The following DDX19B variants were observed in gnomAD, a reference collection of about 807,000 sequenced individuals.
DDX19B encodes the protein DEAD-box helicase 19B, also known as ATP-dependent RNA helicase DDX19B.
In DDX19B, 27 loss-of-function variants were observed where a neutral mutation model predicts 58.1. The ratio of observed to expected loss-of-function variants is 0.46; its 90% CI spans 0.34 to 0.64. The LOEUF (loss-of-function observed/expected upper bound fraction) is 0.64, where lower values mean the gene tolerates loss of function less well. Ranked by LOEUF, DDX19B falls within the 30% of genes least tolerant of loss-of-function variation. The pLI is 0.01. For synonymous variants in DDX19B, 187 were observed against 214.4 expected (o/e 0.87, Z 1.12); for missense variants, 399 against 596.5 (o/e 0.67, Z 3.45).
intron 1 of DDX19B, among the ~76,000 whole-genome samples, chr16:70,299,844 C>T (rs1037993207): frequency 6.6e-6 from 1 of 152,070 alleles, no homozygotes; most frequent in Non-Finnish European, 1.5e-5. Flanking sequence ...GGGACCATGT[C>T]TTTGCTCATA....
Position 70,333,152 on chromosome 16 carries a change from G to A in DDX19B, c.1371G>A (p.Glu457=). ...HSMNILNRIQ[E]HFNKKIERLD... is the part of the protein sequence containing the mutation. ...TGAACATCCTGAACAGAATCCAGGA[G>A]CATTTTAGTGAGTCCCGGGGAGGGT... is the stretch of plus-strand genomic sequence containing the variant. Residue 457 remains glutamate, a synonymous_variant, in exon 11 of 12, where the codon GAG becomes GAA. Coordinates refer to ENST00000288071, the MANE Select transcript of DDX19B (RefSeq NM_007242.7). 1.4e-6 allele frequency: 2 copies of A among 1,456,590 alleles called. No individual in the cohort carries two copies. Among genetic ancestry groups the A allele is most frequent in the South Asian group, 1.3e-5 (1 of 74,480 alleles). 90.2% of individuals were successfully genotyped at this position (1,456,590 alleles called of 1,614,324 possible).
At chr16:70,311,903 G>A (rs764222529) in intron 1 of DDX19B, among the ~76,000 whole-genome samples, 4 of 151,564 alleles carry the variant, frequency 2.6e-5, no homozygotes, top group African/African-American at 9.7e-5. Context: ...GTGTAGTGGC[G>A]TGATCTTGGC....
intron 2 of DDX19B, among the ~76,000 whole-genome samples, chr16:70,313,071 T>C (rs573440110): frequency 9.9e-5 from 15 of 152,190 alleles, no homozygotes; most frequent in South Asian, 6.2e-4. Flanking sequence ...CAGGCTGGAG[T>C]GCAGTGGCTC....
chr16:70,332,301 G>A (rs1267567220), intron 10 of DDX19B, among the ~76,000 whole-genome samples: 1 of 152,054 alleles, frequency 6.6e-6, no homozygotes, highest in African/African-American at 2.4e-5. Context: ...TGTCCCAAAT[G>A]TATTTATTTA....
upstream of DDX19B, among the ~76,000 whole-genome samples, chr16:70,294,230 C>G (rs1961138240): frequency 6.6e-6 from 1 of 151,736 alleles, no homozygotes; most frequent in Non-Finnish European, 1.5e-5. Context: ...TACAGGCGCC[C>G]GCTACCACGC....
chr16:70,325,514 A>G, intron 6 of DDX19B, 60 bp from the exon 7 acceptor site: 1 of 1,173,086 alleles, frequency 8.5e-7, no homozygotes. Flanking sequence ...ACTAATGGTA[A>G]TTCCCCTTTG....
intron 1 of DDX19B, among the ~76,000 whole-genome samples, chr16:70,312,122 G>C (rs891143569): frequency 6.6e-6 from 1 of 152,074 alleles, no homozygotes; most frequent in African/African-American, 2.4e-5. Flanking sequence ...TTACAGGCGC[G>C]AGCCACCGCA....
upstream of DDX19B, chr16:70,299,089 C>A: frequency 2.4e-6 from 3 of 1,264,492 alleles, no homozygotes; most frequent in Non-Finnish European, 3.0e-6. Flanking sequence ...TTGAGGGGTA[C>A]GGGTCTGAGG....
chr16:70,316,048 G>A lies in DDX19B; in HGVS notation c.240G>A (p.Leu80=). 1 of 1,614,068 alleles carries A rather than the reference G, an allele frequency of 6.2e-7. No homozygotes were observed. Among genetic ancestry groups the A allele is most frequent in the South Asian group, 1.1e-5 (1 of 91,080 alleles). The stretch of plus-strand genomic sequence containing the variant: ...ATAACACAAACCAAGTGGAAGTCCT[G>A]CAGCGGGATCCAAACTCCCCTCTGT... The part of the protein sequence containing the change: ...LVDNTNQVEV[L]QRDPNSPLYS... Residue 80 remains leucine, a synonymous_variant, in exon 4 of 12, where the codon CTG becomes CTA. Transcript: ENST00000288071.
chr16:70,333,176 G>A lies in DDX19B; in HGVS notation c.1378+17G>A, dbSNP rs370396697. The A allele has an allele frequency of 3.0e-6, 4 of 1,315,904 alleles. No homozygotes were observed. The highest frequency in any genetic ancestry group is 3.0e-5 in the African/African-American group (2 of 67,166). The allele number at this position is 1,315,904 out of a possible 1,614,324, so 81.5% of individuals were successfully genotyped here. A position where few individuals can be genotyped will look rare whatever the true frequency, so the allele number is the denominator to read the frequency against. ...AGCATTTTAGTGAGTCCCGGGGAGG[G>A]TCCTGTGCCTGGCGCCCTTTGCTAA... is the stretch of plus-strand genomic sequence containing the variant. On this transcript the variant is annotated intron_variant, in intron 11 of 11. Transcript: ENST00000288071.
intron 5 of DDX19B, among the ~76,000 whole-genome samples, chr16:70,323,426 T>C (rs954833744): frequency 2.0e-5 from 3 of 151,006 alleles, no homozygotes; most frequent in African/African-American, 7.3e-5. Flanking sequence ...TTTTTCTTTT[T>C]TCTTTTTTTT....
rs554092722 is a variant in DDX19B, at chr16:70,322,073, T to A, written c.390-2512T>A. Among the ~76,000 whole-genome samples the A allele has an allele frequency of 2.0e-5, 3 of 151,254 alleles. No individual in the cohort carries two copies. In the South Asian group the frequency reaches 6.3e-4, roughly 32 times the overall value. On this transcript the variant is annotated intron_variant, in intron 5 of 11. Transcript: ENST00000288071. ...ATTAATAATAAATTTTGGCCAGGCA[T>A]AGTGGCTCATGCCTGTTATCCCAGC...
At chr16:70,295,091 G>A (rs938802248), upstream of DDX19B, 44 of 1,273,440 alleles carry the variant, frequency 3.5e-5, no homozygotes, top group African/African-American at 6.0e-4. Flanking sequence ...TGATTTCAGG[G>A]GAAACTGAGA....
At position 70,329,403 on chromosome 16, in the gene DDX19B, T is replaced by C; in HGVS notation, c.719T>C (p.Val240Ala). ...FIDPKKIKVF[V>A]LDEADVMIAT... ...GATCCCAAGAAAATCAAGGTGTTTG[T>C]TCTGGATGAGGCTGATGTCATGATA... Residue 240 changes from valine to alanine, a missense_variant, in exon 8 of 12, where the codon GTT (valine) becomes GCT (alanine). Val to Ala is a moderately conservative substitution (Grantham distance 64). This residue lies in a region of DDX19B where 198 missense variants were observed against 345.9 expected (regional missense o/e 0.57). Transcript: ENST00000288071. 6.2e-7 allele frequency: 1 copy of C among 1,614,016 alleles called. No individual in the cohort carries two copies. The highest frequency in any genetic ancestry group is 1.3e-5 in the African/African-American group (1 of 74,998).
chr16:70,300,607 A>G (rs1961443559), intron 1 of DDX19B, among the ~76,000 whole-genome samples: 1 of 149,116 alleles, frequency 6.7e-6, no homozygotes, highest in African/African-American at 2.5e-5. Flanking sequence ...CTTGCCAACT[A>G]CAACCTCCCC....
intron 1 of DDX19B, among the ~76,000 whole-genome samples, chr16:70,302,108 G>T (rs907857101): frequency 6.6e-6 from 1 of 151,446 alleles, no homozygotes; most frequent in African/African-American, 2.4e-5. Flanking sequence ...TTTAGTAGAG[G>T]TGGGGTTTCA....
At chr16:70,310,540 G>A (rs188350552) in intron 1 of DDX19B, among the ~76,000 whole-genome samples, 2 of 151,842 alleles carry the variant, frequency 1.3e-5, no homozygotes, top group Admixed American at 6.6e-5. Flanking sequence ...GTGAGACCTC[G>A]TCTGCAGAAA....
intron 9 of DDX19B, among the ~76,000 whole-genome samples, chr16:70,330,738 C>A (rs1236465615): frequency 6.6e-6 from 1 of 151,490 alleles, no homozygotes; most frequent in South Asian, 2.1e-4. Context: ...CATAGTGAGA[C>A]CTCATCATTA....
intron 5 of DDX19B, chr16:70,319,592 T>C (rs982762833): frequency 1.4e-5 from 2 of 144,662 alleles, no homozygotes; most frequent in East Asian, 4.0e-4. Flanking sequence ...TTTTTTTGTC[T>C]AAAAATAGAT....
Sources: gnomAD v4.1 joint callset for allele counts (sites outside exome capture counted in the v4.1 genomes callset) on GRCh38, gnomAD v4.1.1 for gene constraint, gnomAD v4.1.1 regional missense constraint, MANE v1.5 for transcripts, NCBI Gene and HGNC (gene_info 2026-07-23, HGNC 2026-07-21) for gene names.